The following TSG101 variants were observed in gnomAD, a reference collection of about 807,000 sequenced individuals.
The protein encoded by TSG101 is tumor susceptibility gene 101 protein.
TSG101 carries 19 observed loss-of-function variants against 48.5 expected under a neutral mutation model. The observed-to-expected ratio is 0.39, with a 90% confidence interval of 0.27 to 0.58. The LOEUF (loss-of-function observed/expected upper bound fraction) is 0.58, where lower values mean the gene tolerates loss of function less well. TSG101 is among the 20% of genes least tolerant of loss of function. The pLI is 0.55. For synonymous variants in TSG101, 174 were observed against 169.4 expected (o/e 1.03, Z -0.21); for missense variants, 365 against 484.4 (o/e 0.75, Z 2.31).
At chr11:18,515,897 CATATATCTTGG>C (rs1850161274) in intron 3 of TSG101, among the ~76,000 whole-genome samples, 191 bp downstream of exon 3, 1 of 152,104 alleles carries the variant, frequency 6.6e-6, no homozygotes, top group Non-Finnish European at 1.5e-5. Flanking sequence ...CTTATTTGTT[CATATATCTTGG>C]TAAGGAAGTT....
At chr11:18,494,134 G>A (rs1849740723) in intron 7 of TSG101, among the ~76,000 whole-genome samples, 1 of 152,180 alleles carries the variant, frequency 6.6e-6, no homozygotes, top group Non-Finnish European at 1.5e-5. Context: ...GTGAAGGTAA[G>A]TAGGTATAAG....
chr11:18,496,509 A>ACATATAACAT (rs1849786276), intron 7 of TSG101, among the ~76,000 whole-genome samples: 1 of 145,472 alleles, frequency 6.9e-6, no homozygotes, highest in African/African-American at 2.5e-5. Context: ...AAATAAAATA[A>ACATATAACAT]ATCTACAGAG....
intron 7 of TSG101, among the ~76,000 whole-genome samples, chr11:18,486,560 A>T (rs1220266261): frequency 6.6e-6 from 1 of 152,074 alleles, no homozygotes; most frequent in African/African-American, 2.4e-5. Context: ...AATCAAAACC[A>T]CAATGAGATA....
At chr11:18,496,497 TAAA>T (rs1403619055) in intron 7 of TSG101, among the ~76,000 whole-genome samples, 1 of 107,398 alleles carries the variant, frequency 9.3e-6, no homozygotes, top group East Asian at 4.1e-4. Flanking sequence ...TAAAATAAAA[TAAA>T]ATAAAATAAA....
intron 1 of TSG101, among the ~76,000 whole-genome samples, chr11:18,522,117 C>A (rs1184660849): frequency 6.6e-6 from 1 of 152,180 alleles, no homozygotes; most frequent in African/African-American, 2.4e-5. Context: ...AGGCTAAGTC[C>A]TTGGTCTTCT....
chr11:18,519,755 AAT>A, intron 1 of TSG101, 152 bp from the exon 2 acceptor site: 1 of 555,364 alleles, frequency 1.8e-6, no homozygotes, highest in South Asian at 2.6e-5. Context: ...ATCACACTAA[AAT>A]AATCACTATT....
At chr11:18,505,881 G>T (rs1001468776) in intron 6 of TSG101, among the ~76,000 whole-genome samples, 1 of 151,926 alleles carries the variant, frequency 6.6e-6, no homozygotes, top group South Asian at 2.1e-4. Flanking sequence ...GTAATGGCGC[G>T]ATCTCGGCTC....
In TSG101 at chr11:18,480,609, C is replaced by G; in HGVS notation, c.1110G>C (p.Gln370His). Reference protein sequence around the residue: ...LKHVRLLSRKQFQLRALMQKA... With the variant: ...LKHVRLLSRKHFQLRALMQKA... ...TTTGCATTAGTGCCCTCAGCTGGAA[C>G]TGTTTACGGGACAGAAGACGTACAT... The change falls in exon 10 of 10, where the codon CAG becomes CAC. Residue 370 changes from glutamine (Q) to histidine (H), a missense_variant. Transcript: ENST00000251968. The G allele has an allele frequency of 1.2e-6, 2 of 1,613,898 alleles. No individual in the cohort carries two copies. Among genetic ancestry groups the G allele is most frequent in the Non-Finnish European group, 1.7e-6 (2 of 1,179,918 alleles).
At chr11:18,486,150 C>G (rs1052197829) in intron 7 of TSG101, among the ~76,000 whole-genome samples, 2 of 152,232 alleles carry the variant, frequency 1.3e-5, no homozygotes, top group African/African-American at 4.8e-5. Context: ...AGTGAAAGCT[C>G]TTTCATCAGT....
chr11:18,511,225 T>C (rs1715075772), intron 4 of TSG101: 1 of 152,196 alleles, frequency 6.6e-6, no homozygotes, highest in Non-Finnish European at 1.5e-5. Flanking sequence ...CTCAACAATC[T>C]TCCTGCTTCA....
At chr11:18,492,945 A>C (rs1207118906) in intron 7 of TSG101, among the ~76,000 whole-genome samples, 1 of 152,204 alleles carries the variant, frequency 6.6e-6, no homozygotes, top group Non-Finnish European at 1.5e-5. Flanking sequence ...GAAGATTCTC[A>C]TCTACTTTGT....
intron 1 of TSG101, among the ~76,000 whole-genome samples, chr11:18,524,520 AAG>A (rs1850333743): frequency 6.6e-6 from 1 of 152,224 alleles, no homozygotes; most frequent in African/African-American, 2.4e-5. Context: ...CTTTAGGAGG[AAG>A]GAGCCCCACA....
intron 7 of TSG101, among the ~76,000 whole-genome samples, chr11:18,486,213 T>C (rs1849618308): frequency 6.6e-6 from 1 of 152,194 alleles, no homozygotes; most frequent in Non-Finnish European, 1.5e-5. Flanking sequence ...TCCCCATTCT[T>C]TGTGGGCACA....
chr11:18,521,669 CCTTTTTTT>C (rs1850279689), intron 1 of TSG101, among the ~76,000 whole-genome samples: 1 of 111,440 alleles, frequency 9.0e-6, no homozygotes. Context: ...CTGGCCCCTT[CCTTTTTTT>C]TTTTTTTTTT....
rs776289556 is a variant in TSG101 at position 18,483,817 on chromosome 11, T to TATGTA, written c.843+52_843+53insTACAT. On this transcript the variant is annotated intron_variant, in intron 8 of 9. Coordinates refer to ENST00000251968, the MANE Select transcript of TSG101 (RefSeq NM_006292.4). ...CATCCAGGGAACATATAGAACACTC[T>TATGTA]GCCATGGCTACAATTCAATCCAAAA... The TATGTA allele has an allele frequency of 4.7e-4, 752 of 1,590,984 alleles. 1 individual carries two copies. The highest frequency in any genetic ancestry group is 6.2e-4 in the Non-Finnish European group (723 of 1,163,336).
At chr11:18,486,326 G>A (rs1383237207) in intron 7 of TSG101, among the ~76,000 whole-genome samples, 1 of 152,256 alleles carries the variant, frequency 6.6e-6, no homozygotes, top group African/African-American at 2.4e-5. Flanking sequence ...GGAGGCCCAG[G>A]CAGGGTGTCG....
chr11:18,499,108 A>G (rs1223370974), intron 7 of TSG101, among the ~76,000 whole-genome samples: 19 of 149,792 alleles, frequency 1.3e-4, no homozygotes, highest in Non-Finnish European at 3.0e-5. Context: ...TAACAAAGAG[A>G]GTTACTTCAA....
chr11:18,526,806 G>A lies in TSG101; in HGVS notation c.11C>T (p.Ser4Leu), dbSNP rs773888055. The A allele has an allele frequency of 6.2e-6, 10 of 1,603,018 alleles. No individual in the cohort carries two copies. The highest frequency in any genetic ancestry group is 1.1e-5 in the South Asian group (1 of 90,992). ...CACCATTTTCTTGAGCTGGCTCTCC[G>A]ACACCGCCATGACGGCCGCCTGGCG... MAV[S>L]ESQLKKMVSK... The change falls in exon 1 of 10, where the codon TCG becomes TTG. Residue 4 changes from serine (S) to leucine (L), a missense_variant. Ser to Leu is a moderately radical substitution (Grantham distance 145). Coordinates refer to ENST00000251968, the MANE Select transcript of TSG101 (RefSeq NM_006292.4).
At chr11:18,519,852 A>G (rs1398106053) in intron 1 of TSG101, among the ~76,000 whole-genome samples, 26 of 152,020 alleles carry the variant, frequency 1.7e-4, no homozygotes, top group Non-Finnish European at 1.5e-5. Context: ...AAGTCCACAC[A>G]TTGCATTGGT....
Sources: allele counts gnomAD v4.1 joint callset (sites outside exome capture counted in the v4.1 genomes callset), GRCh38; gene constraint gnomAD v4.1.1; transcripts MANE v1.5; gene names NCBI Gene and HGNC (gene_info 2026-07-23, HGNC 2026-07-21).